The following SCAI variants were observed in gnomAD, a reference collection of about 807,000 sequenced individuals.
The protein encoded by SCAI is protein SCAI.
A neutral mutation model predicts 92.2 loss-of-function variants in SCAI; 24 were observed. The observed-to-expected ratio is 0.26, with a 90% CI of 0.19 to 0.37. The LOEUF (loss-of-function observed/expected upper bound fraction) is 0.37, where lower values mean the gene tolerates loss of function less well. SCAI is among the 10% of genes least tolerant of loss of function. The probability of loss-of-function intolerance (pLI) is 1.00; values close to 1 mark genes in which losing one functional copy is unlikely to be tolerated. For missense variants in SCAI, 450 were observed against 736.2 expected (o/e 0.61, Z 4.50); for synonymous variants, 261 against 258.6 (o/e 1.01, Z -0.09).
At chr9:125,012,555 C>CTTA (rs1220529340) in intron 9 of SCAI, among the ~76,000 whole-genome samples, 1 of 152,166 alleles carries the variant, frequency 6.6e-6, no homozygotes, top group Non-Finnish European at 1.5e-5. Context: ...TACAAAGAGA[C>CTTA]TTAGACTCCC....
intron 3 of SCAI, among the ~76,000 whole-genome samples, chr9:125,050,286 C>T (rs1453790874): frequency 6.6e-6 from 1 of 151,986 alleles, no homozygotes; most frequent in Non-Finnish European, 1.5e-5. Flanking sequence ...TGGAGGTGGG[C>T]GCAGGGGGAT....
chr9:125,024,361 C>T (rs1832927119), intron 6 of SCAI, among the ~76,000 whole-genome samples: 1 of 151,594 alleles, frequency 6.6e-6, no homozygotes. Flanking sequence ...CTGCAACCTC[C>T]GCCTCCCCGG....
At chr9:125,077,758 G>A (rs1050156640) in intron 2 of SCAI, among the ~76,000 whole-genome samples, 5 of 151,654 alleles carry the variant, frequency 3.3e-5, no homozygotes, top group East Asian at 1.9e-4. Flanking sequence ...TTGCTCTGTC[G>A]CCCAGGCCGG....
intron 2 of SCAI, among the ~76,000 whole-genome samples, chr9:125,118,692 C>T (rs1037126363): frequency 6.6e-6 from 1 of 152,058 alleles, no homozygotes; most frequent in African/African-American, 2.4e-5. Flanking sequence ...TGATGCTCTT[C>T]GTCCCCTCAC....
chr9:125,070,375 C>T (rs979053428), intron 2 of SCAI, among the ~76,000 whole-genome samples: 1 of 147,186 alleles, frequency 6.8e-6, no homozygotes, highest in African/African-American at 2.5e-5. Flanking sequence ...GAATTATACA[C>T]AAATTATTTT....
Position 125,025,943 on chromosome 9 carries a change from C to T in SCAI, c.512+869G>A, listed in dbSNP as rs79361689. Among the ~76,000 whole-genome samples the T allele has an allele frequency of 3.4e-3, 523 of 152,310 alleles. 2 individuals carry two copies. Among genetic ancestry groups the T allele is most frequent in the African/African-American group, 0.012 (513 of 41,558 alleles). The stretch of plus-strand genomic sequence containing the variant: ...CATATAAAAACTGTGAGTTGTGTTG[C>T]TGGGGTAGAGAGAATATTCAGACCT... On this transcript the variant is annotated intron_variant, in intron 6 of 17. Coordinates refer to ENST00000336505, the MANE Select transcript of SCAI (RefSeq NM_001144877.3).
intron 2 of SCAI, among the ~76,000 whole-genome samples, chr9:125,065,411 G>T (rs963651875): frequency 6.6e-6 from 1 of 152,138 alleles, no homozygotes; most frequent in African/African-American, 2.4e-5. Flanking sequence ...AAGAGTTCTA[G>T]ATCTACTAAA....
At chr9:125,104,916 C>T (rs998451718) in intron 2 of SCAI, among the ~76,000 whole-genome samples, 3 of 151,314 alleles carry the variant, frequency 2.0e-5, no homozygotes, top group African/African-American at 7.3e-5. Context: ...TGAGATAATG[C>T]CACTGCCCTC....
Position 125,002,488 on chromosome 9 carries a change from G to GTTTTT in SCAI, c.1066-450_1066-446dup, listed in dbSNP as rs58586769. On this transcript the variant is annotated intron_variant, in intron 11 of 17. Coordinates refer to ENST00000336505, the MANE Select transcript of SCAI (RefSeq NM_001144877.3). Reference sequence around the variant, plus strand: ...ACACTCTGCTTTTGTTTTTTAGTCTGTTTTTTTTTTTGAAACAGAGTTTCA... The same window carrying GTTTTT: ...ACACTCTGCTTTTGTTTTTTAGTCTGTTTTTTTTTTTTTTTTGAAACAGAGTTTCA... Among the ~76,000 whole-genome samples, 109 of 125,106 alleles carry GTTTTT rather than the reference G, an allele frequency of 8.7e-4. 6 individuals are homozygous for GTTTTT. The highest frequency in any genetic ancestry group is 2.6e-3 in the African/African-American group (82 of 31,676). 82.1% of individuals were successfully genotyped at this position (125,106 alleles called of 152,430 possible).
chr9:125,049,532 C>A (rs60518454), intron 3 of SCAI, among the ~76,000 whole-genome samples: 2 of 152,152 alleles, frequency 1.3e-5, no homozygotes, highest in Non-Finnish European at 2.9e-5. Context: ...CCATTATATG[C>A]GAAACATCAT....
intron 17 of SCAI, among the ~76,000 whole-genome samples, chr9:124,962,150 CT>C (rs752939056): frequency 0.32 from 19,020 of 59,774 alleles, 1,272 homozygotes; most frequent in African/African-American, 0.37. Context: ...TAATATATGT[CT>C]TTTTTTTTTT....
intron 9 of SCAI, among the ~76,000 whole-genome samples, chr9:125,013,060 G>A (rs2131060329): frequency 6.6e-6 from 1 of 152,004 alleles, no homozygotes; most frequent in South Asian, 2.1e-4. Flanking sequence ...AGCACTAAAT[G>A]CCCACAAGAG....
intron 3 of SCAI, among the ~76,000 whole-genome samples, 175 bp downstream of exon 3, chr9:125,055,701 T>C (rs538018370): frequency 2.0e-5 from 3 of 152,294 alleles, no homozygotes; most frequent in Admixed American, 6.5e-5. Context: ...TCTTTTCCTA[T>C]TGTTTTTTTA....
intron 3 of SCAI, among the ~76,000 whole-genome samples, chr9:125,036,140 C>G (rs1346646688): frequency 6.9e-6 from 1 of 145,908 alleles, no homozygotes; most frequent in Non-Finnish European, 1.5e-5. Flanking sequence ...ACAAAGGGAG[C>G]CCCTGTCTTA....
At chr9:125,092,563 T>C (rs1441683978) in intron 2 of SCAI, among the ~76,000 whole-genome samples, 2 of 151,358 alleles carry the variant, frequency 1.3e-5, no homozygotes, top group Admixed American at 6.6e-5. Context: ...TTATTCTGTC[T>C]TCCTTCTATT....
rs369615865 is a variant in SCAI, at chr9:125,007,054, A to G, written c.862-3484T>C. On this transcript the variant is annotated intron_variant, in intron 9 of 17. Coordinates refer to ENST00000336505, the MANE Select transcript of SCAI (RefSeq NM_001144877.3). ...GAATCAACTGAACCAGGGAGGCAGAAGATGCAGTGAGCCGAGATCATGCCA... is the reference window on the plus strand; with the variant it reads ...GAATCAACTGAACCAGGGAGGCAGAGGATGCAGTGAGCCGAGATCATGCCA... 1.2e-4 allele frequency among the ~76,000 whole-genome samples: 18 copies of G among 152,212 alleles called. No homozygotes were observed. The East Asian group carries it at 2.1e-3, about 18-fold the overall frequency.
At chr9:125,107,597 C>T (rs1834827666) in intron 2 of SCAI, among the ~76,000 whole-genome samples, 2 of 151,938 alleles carry the variant, frequency 1.3e-5, no homozygotes, top group African/African-American at 4.8e-5. Flanking sequence ...GAGACTCTGT[C>T]TCTAAGAAAA....
chr9:125,111,142 A>G (rs748861544), intron 2 of SCAI, among the ~76,000 whole-genome samples: 9 of 151,812 alleles, frequency 5.9e-5, no homozygotes. Context: ...TGAATTCAGC[A>G]ATATGTTAAA....
chr9:124,970,491 G>C (rs1252269464), intron 17 of SCAI, among the ~76,000 whole-genome samples: 1 of 151,996 alleles, frequency 6.6e-6, no homozygotes, highest in Non-Finnish European at 1.5e-5. Flanking sequence ...GGCCAAGGCG[G>C]GTGGATCACC....
Sources: allele counts gnomAD v4.1 joint callset (sites outside exome capture counted in the v4.1 genomes callset), GRCh38; gene constraint gnomAD v4.1.1; transcripts MANE v1.5; gene names NCBI Gene and HGNC (gene_info 2026-07-23, HGNC 2026-07-21).